Variants in TAFA1 observed in about 807,000 individuals in gnomAD.
TAFA1 encodes TAFA chemokine like family member 1.
In TAFA1, 4 loss-of-function variants were observed where a neutral mutation model predicts 18.5. That is an observed-to-expected ratio of 0.22 (90% CI 0.11 to 0.49). TAFA1 has a LOEUF of 0.49. Ranked by LOEUF, TAFA1 falls within the 20% of genes least tolerant of loss-of-function variation. The pLI is 0.98. For synonymous variants in TAFA1, 56 were observed against 55.2 expected (o/e 1.01, Z -0.06); for missense variants, 147 against 169.0 (o/e 0.87, Z 0.72).
At chr3:68,114,127 A>G (rs2065297992) in intron 2 of TAFA1, among the ~76,000 whole-genome samples, 1 of 152,008 alleles carries the variant, frequency 6.6e-6, no homozygotes. Flanking sequence ...CTGGTCTGGT[A>G]CAGATCTCTC....
At chr3:68,447,595 A>T (rs150462781) in intron 3 of TAFA1, among the ~76,000 whole-genome samples, 1 of 152,200 alleles carries the variant, frequency 6.6e-6, no homozygotes, top group East Asian at 1.9e-4. Flanking sequence ...GCTCTAGACA[A>T]CAGTTAGATG....
At chr3:68,279,570 T>C (rs2067860704) in intron 2 of TAFA1, among the ~76,000 whole-genome samples, 2 of 152,172 alleles carry the variant, frequency 1.3e-5, no homozygotes, top group South Asian at 2.1e-4. Context: ...TAGTCACTAC[T>C]ATGGGAAGTC....
intron 3 of TAFA1, among the ~76,000 whole-genome samples, chr3:68,501,866 T>C (rs1198141068): frequency 6.6e-6 from 1 of 152,154 alleles, no homozygotes; most frequent in East Asian, 1.9e-4. Flanking sequence ...GAAGTGTAGT[T>C]TGGACACAGC....
intron 2 of TAFA1, among the ~76,000 whole-genome samples, chr3:68,277,443 T>A (rs2067817684): frequency 6.6e-6 from 1 of 151,932 alleles, no homozygotes; most frequent in Admixed American, 6.6e-5. Context: ...AAACAGCTTC[T>A]CCTTCTTAAG....
intron 2 of TAFA1, among the ~76,000 whole-genome samples, chr3:68,265,831 G>A (rs1491732): frequency 0.17 from 25,972 of 152,122 alleles, 2,652 homozygotes; most frequent in Admixed American, 0.31. Flanking sequence ...TAATTAAAAT[G>A]CCAGGCCTTA....
At chr3:68,505,862 T>A (rs1176978598) in intron 3 of TAFA1, among the ~76,000 whole-genome samples, 1 of 148,634 alleles carries the variant, frequency 6.7e-6, no homozygotes, top group Non-Finnish European at 1.5e-5. Context: ...GGCATTCCCA[T>A]CACTAGTGCC....
chr3:68,494,782 C>G (rs2072516142), intron 3 of TAFA1, among the ~76,000 whole-genome samples: 1 of 152,198 alleles, frequency 6.6e-6, no homozygotes, highest in African/African-American at 2.4e-5. Flanking sequence ...CTAATTGACA[C>G]ACTACCTCAT....
intron 2 of TAFA1, among the ~76,000 whole-genome samples, chr3:68,060,521 C>T (rs1468159532): frequency 3.3e-5 from 5 of 152,278 alleles, no homozygotes; most frequent in African/African-American, 4.8e-5. Flanking sequence ...GGCAGAGAAG[C>T]GGACAGGTGT....
chr3:68,428,032 A>T (rs1198371377), intron 3 of TAFA1, among the ~76,000 whole-genome samples: 1 of 151,924 alleles, frequency 6.6e-6, no homozygotes, highest in Admixed American at 6.6e-5. Context: ...GTATTTCTTT[A>T]TAGGACTATG....
At chr3:68,531,268 T>C (rs1045506291) in intron 3 of TAFA1, among the ~76,000 whole-genome samples, 4 of 152,094 alleles carry the variant, frequency 2.6e-5, no homozygotes, top group Non-Finnish European at 4.4e-5. Context: ...GAAGAAAGAA[T>C]TTGACCGAAT....
At chr3:68,334,427 A>G (rs2068936270) in intron 2 of TAFA1, among the ~76,000 whole-genome samples, 1 of 152,202 alleles carries the variant, frequency 6.6e-6, no homozygotes, top group African/African-American at 2.4e-5. Flanking sequence ...AAATGCTAGG[A>G]GTTTATGAAC....
At chr3:68,150,234 C>T (rs1446234604) in intron 2 of TAFA1, among the ~76,000 whole-genome samples, 1 of 152,118 alleles carries the variant, frequency 6.6e-6, no homozygotes, top group South Asian at 2.1e-4. Context: ...GATACAAAGA[C>T]GAATGAAGCT....
chr3:68,413,623 C>T (rs1364818014), intron 2 of TAFA1, among the ~76,000 whole-genome samples: 1 of 152,044 alleles, frequency 6.6e-6, no homozygotes, highest in Non-Finnish European at 1.5e-5. Flanking sequence ...ATATGTGAGA[C>T]ATTGTTGAAT....
chr3:68,532,350 T>C (rs2073200601), intron 3 of TAFA1, among the ~76,000 whole-genome samples: 1 of 152,134 alleles, frequency 6.6e-6, no homozygotes, highest in South Asian at 2.1e-4. Context: ...CTGGGAGCAC[T>C]CTCAGAAAGA....
intron 2 of TAFA1, among the ~76,000 whole-genome samples, chr3:68,052,884 A>G (rs1020722131): frequency 2.0e-5 from 3 of 152,206 alleles, no homozygotes; most frequent in Non-Finnish European, 4.4e-5. Context: ...AGAGTTTATA[A>G]TTGGTTCAAA....
At chr3:68,023,210 G>T in intron 2 of TAFA1, among the ~76,000 whole-genome samples, 2 of 152,140 alleles carry the variant, frequency 1.3e-5, no homozygotes, top group Admixed American at 1.3e-4. Flanking sequence ...GCTAGGTGAT[G>T]CTATGGTAAC....
chr3:68,370,321 A>T (rs13093658), intron 2 of TAFA1, among the ~76,000 whole-genome samples: 35 of 18,062 alleles, frequency 1.9e-3, no homozygotes, highest in African/African-American at 3.8e-3. Context: ...AAAAAAAAAA[A>T]ATATATATAT....
chr3:68,103,253 C>T (rs73834827), intron 2 of TAFA1, among the ~76,000 whole-genome samples: 2,270 of 152,308 alleles, frequency 0.015, 65 homozygotes, highest in African/African-American at 0.052. Context: ...TGTTAATTCC[C>T]ACCTTTTAGG....
chr3:68,195,207 T>TA (rs1318996114), intron 2 of TAFA1, among the ~76,000 whole-genome samples: 1 of 151,298 alleles, frequency 6.6e-6, no homozygotes, highest in African/African-American at 2.4e-5. Context: ...TGTTTAAATA[T>TA]AAAAATGGAT....
Sources: gnomAD v4.1 joint callset for allele counts (sites outside exome capture counted in the v4.1 genomes callset) on GRCh38, gnomAD v4.1.1 for gene constraint, MANE v1.5 for transcripts, NCBI Gene and HGNC (gene_info 2026-07-23, HGNC 2026-07-21) for gene names.